The following UBR2 variants were observed in gnomAD, a reference collection of about 807,000 sequenced individuals.
The protein encoded by UBR2 is ubiquitin protein ligase E3 component n-recognin 2.
UBR2 carries 92 observed loss-of-function variants against 247.9 expected under a neutral mutation model. The observed-to-expected ratio is 0.37, with a 90% CI of 0.31 to 0.44. UBR2 has a LOEUF of 0.44. Among genes scored for constraint, UBR2 ranks in the 20% least tolerant of loss-of-function variants. UBR2 has a pLI of 1.00. For missense variants in UBR2, 1,613 were observed against 2,112.6 expected, an observed-to-expected ratio of 0.76 and a Z score of 4.64; for synonymous variants, 672 against 693.5, an observed-to-expected ratio of 0.97 and a Z score of 0.49.
chr6:42,680,790 C>T (rs774911774), intron 42 of UBR2, among the ~76,000 whole-genome samples: 4 of 152,104 alleles, frequency 2.6e-5, no homozygotes, highest in Non-Finnish European at 5.9e-5. Flanking sequence ...CAGAATAGGC[C>T]GGGCACAGTG....
At chr6:42,683,166 G>A in intron 43 of UBR2, 55 bp downstream of exon 43, 1 of 1,448,294 alleles carries the variant, frequency 6.9e-7, no homozygotes, top group Non-Finnish European at 9.6e-7. Flanking sequence ...GTGGAATCAG[G>A]ATATAAGTGC....
chr6:42,679,765 T>C lies in UBR2; in HGVS notation c.4651T>C (p.Ser1551Pro). 1 of 1,613,578 alleles carries C rather than the reference T, an allele frequency of 6.2e-7. No individual in the cohort carries two copies. The highest frequency in any genetic ancestry group is 8.5e-7 in the Non-Finnish European group (1 of 1,179,874). The change falls in exon 42 of 47, where the codon TCC becomes CCC. Residue 1551 changes from serine to proline, a missense_variant. Physicochemically the swap from Ser to Pro is moderately conservative, Grantham distance 74 (BLOSUM62 -1). Coordinates refer to ENST00000372901, the MANE Select transcript of UBR2 (RefSeq NM_001363705.2). ...TTTTGAACATTTATGTAGCTATCTT[T>C]CCCTACCAAACAACCTCATTTGCCT... ...SHFEHLCSYL[S>P]LPNNLICLFQ...
rs1479013849 is a variant in UBR2, at chr6:42,676,774, A to G, written c.4388-9A>G. ...AAATACAGAGTACTAGTATTTCCTT[A>G]TCTTTCAGAAGAGAATGGCATGGAT... is the stretch of plus-strand genomic sequence containing the variant. On this transcript the variant is annotated splice_polypyrimidine_tract_variant and intron_variant, in intron 39 of 46. Transcript: ENST00000372901. 4 of 1,610,422 alleles carry G rather than the reference A, an allele frequency of 2.5e-6. No homozygotes were observed. Among genetic ancestry groups the G allele is most frequent in the African/African-American group, 2.7e-5 (2 of 74,838 alleles).
chr6:42,684,238 T>C lies in UBR2; in HGVS notation c.4776-556T>C, dbSNP rs1000068275. Reference sequence around the variant, plus strand: ...TTTCTCTAAAGTTAAAGCCCTAGCATGTCTGTCCCCTCAAAATTCCCCCAA... The same window carrying C: ...TTTCTCTAAAGTTAAAGCCCTAGCACGTCTGTCCCCTCAAAATTCCCCCAA... On this transcript the variant is annotated intron_variant, in intron 43 of 46. Coordinates refer to ENST00000372901, the MANE Select transcript of UBR2 (RefSeq NM_001363705.2). 1.8e-4 allele frequency among the ~76,000 whole-genome samples: 28 copies of C among 152,166 alleles called. 1 individual carries two copies. The highest frequency in any genetic ancestry group is 2.6e-4 in the Non-Finnish European group (18 of 68,030).
At chr6:42,637,526 C>G (rs924744464) in intron 15 of UBR2, among the ~76,000 whole-genome samples, 9 of 152,062 alleles carry the variant, frequency 5.9e-5, no homozygotes, top group African/African-American at 1.9e-4. Context: ...CACGTTTTAT[C>G]ATTTCATCGA....
chr6:42,628,114 T>C (rs983523030), intron 11 of UBR2, among the ~76,000 whole-genome samples: 3 of 152,162 alleles, frequency 2.0e-5, no homozygotes, highest in African/African-American at 7.2e-5. Context: ...TGCAGTTCCC[T>C]TTCTCCCTGG....
In UBR2 at chr6:42,659,926, G is replaced by A; in HGVS notation, c.3442+71G>A. 1.4e-6 allele frequency: 2 copies of A among 1,480,806 alleles called. No homozygotes were observed. The highest frequency in any genetic ancestry group is 1.9e-6 in the Non-Finnish European group (2 of 1,075,538). 91.7% of individuals were successfully genotyped at this position (1,480,806 alleles called of 1,614,324 possible). On this transcript the variant is annotated intron_variant, in intron 30 of 46. Transcript: ENST00000372901. This position sits in a 1 kb window ranked among gnomAD's most constrained non-coding sequence, Gnocchi z 4.3. ...CAGTTAATGTGGTTGGTGATACGTT[G>A]AGATTTTTTAAACCTAAAAATAACT... is the stretch of plus-strand genomic sequence containing the variant.
intron 32 of UBR2, among the ~76,000 whole-genome samples, chr6:42,664,580 T>C (rs1472497774): frequency 1.3e-5 from 2 of 152,258 alleles, no homozygotes; most frequent in African/African-American, 4.8e-5. Flanking sequence ...TTGGTGTTCT[T>C]AGTCTATGCT....
chr6:42,572,146 A>G (rs1320732647), intron 1 of UBR2, among the ~76,000 whole-genome samples: 1 of 152,194 alleles, frequency 6.6e-6, no homozygotes, highest in Non-Finnish European at 1.5e-5. Context: ...CTACTTGCAT[A>G]ATGTAAACAC....
At chr6:42,652,420 A>G in intron 24 of UBR2, 71 bp from the exon 25 acceptor site, 1 of 1,478,456 alleles carries the variant, frequency 6.8e-7, no homozygotes, top group African/African-American at 1.4e-5. Flanking sequence ...TAAAACTATC[A>G]AAAGTAACAA....
chr6:42,642,563 A>T, intron 18 of UBR2, 82 bp downstream of exon 18: 1 of 1,193,404 alleles, frequency 8.4e-7, no homozygotes, highest in Non-Finnish European at 1.2e-6. Context: ...GTCACTTGTG[A>T]TCACTCCCAA....
Position 42,658,756 on chromosome 6 carries a change from T to C in UBR2, c.3174T>C (p.Asp1058=), listed in dbSNP as rs367826875. The change falls in exon 29 of 47, where the codon GAT becomes GAC. Residue 1058 remains aspartate, a synonymous_variant. Coordinates refer to ENST00000372901, the MANE Select transcript of UBR2 (RefSeq NM_001363705.2). ...QMSEMQRHFI[D]ENKELFQQTL... ...CTGAAATGCAGCGGCATTTTATTGA[T>C]GAAAACAAAGAACTCTTTCAGCAGA... 2 of 1,611,104 alleles carry C rather than the reference T, an allele frequency of 1.2e-6. No homozygotes were observed. The highest frequency in any genetic ancestry group is 8.5e-7 in the Non-Finnish European group (1 of 1,179,606).
At chr6:42,583,177 T>G (rs1562282996) in intron 2 of UBR2, among the ~76,000 whole-genome samples, 1 of 152,234 alleles carries the variant, frequency 6.6e-6, no homozygotes, top group Non-Finnish European at 1.5e-5. Context: ...TCATGATTAT[T>G]GTTCTTGTGT....
chr6:42,657,951 T>C (rs7763508), intron 26 of UBR2, 73 bp from the exon 27 acceptor site: 5 of 1,134,516 alleles, frequency 4.4e-6, no homozygotes, highest in Non-Finnish European at 5.2e-6. Flanking sequence ...ACTGCATTTA[T>C]GTTCCTGTGC....
chr6:42,691,802 T>TCTC lies in UBR2; in HGVS notation c.*629_*630insCTC, dbSNP rs1799768531. 2.0e-5 allele frequency: 3 copies of TCTC among 150,402 alleles called. No individual in the cohort carries two copies. Among genetic ancestry groups the TCTC allele is most frequent in the African/African-American group, 7.3e-5 (3 of 40,960 alleles). 9.3% of individuals were successfully genotyped at this position (150,402 alleles called of 1,614,324 possible). On this transcript the variant is annotated 3_prime_UTR_variant, in exon 47 of 47. Transcript: ENST00000372901. ...TAGAGGTTTTTTTTTTTTCTTTTTT[T>TCTC]TTTTATGGCAAGACTTTTGGCTTTG...
intron 25 of UBR2, among the ~76,000 whole-genome samples, chr6:42,655,236 G>A (rs753769761): frequency 6.6e-6 from 1 of 152,050 alleles, no homozygotes; most frequent in Non-Finnish European, 1.5e-5. Flanking sequence ...CCAGCACTTT[G>A]GGAGGCCAAG....
intron 5 of UBR2, 84 bp from the exon 6 acceptor site, chr6:42,605,637 A>G: frequency 3.9e-6 from 5 of 1,297,696 alleles, no homozygotes; most frequent in Non-Finnish European, 5.3e-6. Flanking sequence ...CACATTGCAT[A>G]GGACAAAGTA....
intron 26 of UBR2, among the ~76,000 whole-genome samples, chr6:42,656,412 GTTTA>G (rs1251170558): frequency 1.3e-5 from 2 of 152,122 alleles, no homozygotes; most frequent in Non-Finnish European, 2.9e-5. Flanking sequence ...GTCAGTGGGA[GTTTA>G]TTTAGTCAGC....
At position 42,603,645 on chromosome 6, in the gene UBR2, A is replaced by G. The variant is rs1289116485; in HGVS notation, c.589A>G (p.Ile197Val). 6 of 1,599,020 alleles carry G rather than the reference A, an allele frequency of 3.8e-6. No individual in the cohort carries two copies. The highest frequency in any genetic ancestry group is 2.3e-5 in the East Asian group (1 of 44,182). ...VIARTYNIFAITFRYAVEILT... is the reference protein window; with the variant it reads ...VIARTYNIFAVTFRYAVEILT... ...AGCAAGAACTTATAACATTTTTGCT[A>G]TTACGTTTCGGTATGCAGTAGAAAT... Residue 197 changes from isoleucine (I) to valine (V), a missense_variant, in exon 5 of 47, where the codon ATT becomes GTT. Ile to Val is a conservative substitution (Grantham distance 29, BLOSUM62 3). Around this residue, in one of 3 missense-constraint regions of UBR2, gnomAD observed 1,524 missense variants for 1,967.3 expected, o/e 0.77. Coordinates refer to ENST00000372901, the MANE Select transcript of UBR2 (RefSeq NM_001363705.2).
Sources: gnomAD v4.1 joint callset for allele counts (sites outside exome capture counted in the v4.1 genomes callset) on GRCh38, gnomAD v4.1.1 for gene constraint, gnomAD v4.1.1 regional missense constraint, Gnocchi (gnomAD v3.1) non-coding constraint, MANE v1.5 for transcripts, NCBI Gene and HGNC (gene_info 2026-07-23, HGNC 2026-07-21) for gene names.